The following PARD3 variants were observed in gnomAD, a reference collection of about 807,000 sequenced individuals.
PARD3 encodes par-3 family cell polarity regulator.
In PARD3, 75 loss-of-function variants were observed where a neutral mutation model predicts 155.4. The ratio of observed to expected loss-of-function variants is 0.48; its 90% confidence interval spans 0.40 to 0.58. The LOEUF (loss-of-function observed/expected upper bound fraction) is 0.58. Ranked by LOEUF, PARD3 falls within the 20% of genes least tolerant of loss-of-function variation. PARD3 has a pLI of 0.00. For missense variants in PARD3, 1,642 were observed against 1,721.7 expected (o/e 0.95, Z 0.82); for synonymous variants, 576 against 610.5 (o/e 0.94, Z 0.83).
intron 22 of PARD3, among the ~76,000 whole-genome samples, chr10:34,187,558 A>G (rs922080841): frequency 6.6e-6 from 1 of 152,248 alleles, no homozygotes; most frequent in African/African-American, 2.4e-5. Flanking sequence ...ATTCCATGCT[A>G]GAAAGCCTTA....
At chr10:34,242,816 T>C (rs1377432447) in intron 22 of PARD3, among the ~76,000 whole-genome samples, 1 of 152,170 alleles carries the variant, frequency 6.6e-6, no homozygotes, top group Non-Finnish European at 1.5e-5. Flanking sequence ...ACACCTGTAA[T>C]CCCAGCTACT....
intron 2 of PARD3, among the ~76,000 whole-genome samples, chr10:34,637,922 A>G (rs1160643636): frequency 6.6e-6 from 1 of 152,256 alleles, no homozygotes; most frequent in East Asian, 1.9e-4. Context: ...CACAGTACTT[A>G]AAACTTTTAC....
intron 14 of PARD3, among the ~76,000 whole-genome samples, chr10:34,348,913 G>A (rs148964917): frequency 2.2e-4 from 33 of 152,286 alleles, no homozygotes; most frequent in African/African-American, 7.9e-4. Flanking sequence ...AAAACAGCTA[G>A]CTGTGTCTAA....
chr10:34,507,100 G>A (rs1432674095), intron 3 of PARD3, among the ~76,000 whole-genome samples: 1 of 152,074 alleles, frequency 6.6e-6, no homozygotes, highest in Non-Finnish European at 1.5e-5. Context: ...TCCCTGATCT[G>A]CAACCCTCCA....
At chr10:34,154,761 A>G (rs1228249018) in intron 22 of PARD3, among the ~76,000 whole-genome samples, 3 of 152,114 alleles carry the variant, frequency 2.0e-5, no homozygotes, top group African/African-American at 4.8e-5. Context: ...TATTCTGCCA[A>G]TGTAGTAACT....
intron 6 of PARD3, 93 bp from the exon 7 acceptor site, chr10:34,399,506 A>G (rs1169809206): frequency 2.5e-6 from 2 of 795,164 alleles, no homozygotes; most frequent in Non-Finnish European, 4.5e-6. Flanking sequence ...AACAACACAG[A>G]CACACAATAA....
chr10:34,397,296 G>C (rs1843434578), intron 7 of PARD3, among the ~76,000 whole-genome samples: 2 of 152,168 alleles, frequency 1.3e-5, no homozygotes, highest in Non-Finnish European at 2.9e-5. Flanking sequence ...ATTCCACAAA[G>C]AAGCTTAACC....
intron 1 of PARD3, among the ~76,000 whole-genome samples, chr10:34,716,438 G>A (rs1360763526): frequency 6.6e-6 from 1 of 152,138 alleles, no homozygotes; most frequent in East Asian, 1.9e-4. Flanking sequence ...AGTGTGAAAT[G>A]GACTACCTCA....
chr10:34,738,590 A>G (rs2094956262), intron 1 of PARD3, among the ~76,000 whole-genome samples: 1 of 152,230 alleles, frequency 6.6e-6, no homozygotes, highest in African/African-American at 2.4e-5. Context: ...CACATAATTT[A>G]AAAATTAACC....
intron 6 of PARD3, among the ~76,000 whole-genome samples, chr10:34,401,362 AAACAAC>A (rs1170024348): frequency 3.9e-5 from 6 of 152,300 alleles, no homozygotes; most frequent in African/African-American, 1.4e-4. Context: ...CTATTTCTTC[AAACAAC>A]AATAAATACA....
At chr10:34,665,309 C>T (rs909062899) in intron 2 of PARD3, among the ~76,000 whole-genome samples, 6 of 150,648 alleles carry the variant, frequency 4.0e-5, no homozygotes, top group Admixed American at 2.0e-4. Flanking sequence ...GTCGGGAGTT[C>T]GAGACCAGCC....
At chr10:34,170,014 A>G in intron 22 of PARD3, among the ~76,000 whole-genome samples, 1 of 152,188 alleles carries the variant, frequency 6.6e-6, no homozygotes, top group East Asian at 1.9e-4. Context: ...AATCCTTAAC[A>G]TATACTCAAT....
At chr10:34,537,393 A>G (rs562455445) in intron 2 of PARD3, among the ~76,000 whole-genome samples, 54 of 152,334 alleles carry the variant, frequency 3.5e-4, no homozygotes, top group Non-Finnish European at 5.7e-4. Flanking sequence ...TGAAAAAACA[A>G]TTTCTGGTGA....
intron 11 of PARD3, 65 bp downstream of exon 11, chr10:34,374,809 G>A (rs1841049573): frequency 2.7e-6 from 4 of 1,489,962 alleles, no homozygotes; most frequent in Non-Finnish European, 3.7e-6. Flanking sequence ...TTGCCATCAG[G>A]CAACTAACCC....
intron 2 of PARD3, among the ~76,000 whole-genome samples, chr10:34,605,583 ATATATCTCC>A (rs1280195557): frequency 1.4e-5 from 1 of 69,674 alleles, no homozygotes; most frequent in African/African-American, 1.2e-4. Context: ...TATCTCCTAT[ATATATCTCC>A]TATATATATA....
intron 16 of PARD3, among the ~76,000 whole-genome samples, chr10:34,337,781 ATATAT>A (rs753294688): frequency 6.6e-6 from 1 of 152,256 alleles, no homozygotes; most frequent in Non-Finnish European, 1.5e-5. Flanking sequence ...GAAACCTGTC[ATATAT>A]TATATACAAA....
At chr10:34,115,416 T>C (rs960546377) in intron 24 of PARD3, among the ~76,000 whole-genome samples, 15 of 152,054 alleles carry the variant, frequency 9.9e-5, no homozygotes, top group Non-Finnish European at 1.9e-4. Flanking sequence ...GGGGCTGCCT[T>C]TTGGATATTA....
At chr10:34,117,115 C>T (rs1343873010) in intron 24 of PARD3, among the ~76,000 whole-genome samples, 9 of 152,270 alleles carry the variant, frequency 5.9e-5, no homozygotes, top group Admixed American at 3.9e-4. Context: ...CCTGCCTTCC[C>T]GGCCCGCCCA....
chr10:34,413,180 C>CACACACACACACACATAT (rs775445941), intron 5 of PARD3, among the ~76,000 whole-genome samples: 1 of 145,184 alleles, frequency 6.9e-6, no homozygotes, highest in African/African-American at 2.5e-5. Context: ...CACACACACA[C>CACACACACACACACATAT]ATATATATAA....
Sources: allele counts gnomAD v4.1 joint callset (sites outside exome capture counted in the v4.1 genomes callset), GRCh38; gene constraint gnomAD v4.1.1; transcripts MANE v1.5; gene names NCBI Gene and HGNC (gene_info 2026-07-23, HGNC 2026-07-21).